The following SORCS3 variants were observed in gnomAD, a reference collection of about 807,000 sequenced individuals.
SORCS3 encodes sortilin related VPS10 domain containing receptor 3, also known as VPS10 domain-containing receptor SorCS3.
A neutral mutation model predicts 146.3 loss-of-function variants in SORCS3; 57 were observed. That is an observed-to-expected ratio of 0.39 (90% CI 0.31 to 0.49). The LOEUF (loss-of-function observed/expected upper bound fraction) is 0.49. SORCS3 is among the 20% of genes least tolerant of loss of function. The pLI is 0.92. For synonymous variants in SORCS3, 653 were observed against 618.5 expected (o/e 1.06, Z -0.83); for missense variants, 1,341 against 1,575.5 (o/e 0.85, Z 2.52).
intron 5 of SORCS3, among the ~76,000 whole-genome samples, chr10:105,056,532 C>G (rs558664577): frequency 1.3e-5 from 2 of 152,272 alleles, no homozygotes; most frequent in South Asian, 4.1e-4. Context: ...GGACATTCAT[C>G]TTTTGTGCAA....
At chr10:104,946,097 A>G (rs1433443269) in intron 3 of SORCS3, among the ~76,000 whole-genome samples, 2 of 152,012 alleles carry the variant, frequency 1.3e-5, no homozygotes, top group African/African-American at 4.8e-5. Context: ...ACTGTTGAGT[A>G]TCAAATGAGA....
intron 5 of SORCS3, among the ~76,000 whole-genome samples, chr10:105,060,643 A>G (rs2055479301): frequency 1.3e-5 from 2 of 152,310 alleles, no homozygotes; most frequent in South Asian, 2.1e-4. Context: ...TTTGCAATTT[A>G]AAAAAGTTAA....
At chr10:105,064,370 A>T (rs988182763) in intron 5 of SORCS3, among the ~76,000 whole-genome samples, 1 of 152,168 alleles carries the variant, frequency 6.6e-6, no homozygotes, top group African/African-American at 2.4e-5. Flanking sequence ...AGATAGATAC[A>T]AAGCTGGATG....
At chr10:105,198,625 A>G (rs2056557132) in intron 14 of SORCS3, among the ~76,000 whole-genome samples, 2 of 152,142 alleles carry the variant, frequency 1.3e-5, no homozygotes, top group African/African-American at 4.8e-5. Context: ...ACAAGAGAAC[A>G]GAGAGAACCC....
intron 13 of SORCS3, among the ~76,000 whole-genome samples, chr10:105,169,565 A>G (rs559581231): frequency 7.9e-4 from 120 of 152,242 alleles, no homozygotes; most frequent in African/African-American, 2.8e-3. Context: ...GAAGTCCAGA[A>G]TTCAAGTAAT....
At chr10:104,753,084 G>A (rs1447840543) in intron 1 of SORCS3, among the ~76,000 whole-genome samples, 3 of 152,222 alleles carry the variant, frequency 2.0e-5, no homozygotes, top group African/African-American at 7.2e-5. Flanking sequence ...GTAGGAGTAT[G>A]TTCACTCTAT....
At chr10:104,703,608 G>T (rs1441312731) in intron 1 of SORCS3, among the ~76,000 whole-genome samples, 3 of 151,896 alleles carry the variant, frequency 2.0e-5, no homozygotes, top group East Asian at 1.9e-4. Flanking sequence ...GGAGGGTGGG[G>T]GGTGAGGGGA....
intron 1 of SORCS3, among the ~76,000 whole-genome samples, chr10:104,648,100 G>T (rs540090991): frequency 6.6e-5 from 10 of 152,334 alleles, no homozygotes; most frequent in African/African-American, 2.4e-4. Flanking sequence ...CAGATGCCAT[G>T]GGGTGATATG....
intron 1 of SORCS3, among the ~76,000 whole-genome samples, chr10:104,648,623 T>G (rs2015523892): frequency 6.6e-6 from 1 of 152,152 alleles, no homozygotes. Context: ...TACTAACCAT[T>G]GTTAATGGGG....
intron 9 of SORCS3, among the ~76,000 whole-genome samples, chr10:105,156,345 G>A (rs927169725): frequency 1.3e-5 from 2 of 152,168 alleles, no homozygotes; most frequent in Non-Finnish European, 2.9e-5. Context: ...AGAATATAAG[G>A]AATAAAAGTT....
chr10:105,092,550 C>T (rs991013162), intron 6 of SORCS3, among the ~76,000 whole-genome samples: 3 of 151,570 alleles, frequency 2.0e-5, no homozygotes, highest in Admixed American at 1.3e-4. Flanking sequence ...TAACAAAATG[C>T]ATAATGCCTT....
intron 1 of SORCS3, among the ~76,000 whole-genome samples, chr10:104,696,413 T>A (rs866830258): frequency 0.014 from 40 of 2,954 alleles, 17 homozygotes; most frequent in South Asian, 0.057. Flanking sequence ...TAATATAGAA[T>A]ATATATAATA....
intron 9 of SORCS3, among the ~76,000 whole-genome samples, chr10:105,148,265 A>C (rs2056146041): frequency 6.6e-6 from 1 of 152,032 alleles, no homozygotes; most frequent in Admixed American, 6.6e-5. Flanking sequence ...TGGGAATGAG[A>C]GTTTTTCTAA....
intron 1 of SORCS3, among the ~76,000 whole-genome samples, chr10:104,806,314 A>G (rs1019857385): frequency 1.3e-5 from 2 of 152,184 alleles, no homozygotes; most frequent in Non-Finnish European, 2.9e-5. Context: ...GTTACAGGTG[A>G]CACAATAGGA....
chr10:105,246,861 T>A (rs1201963587), intron 21 of SORCS3, among the ~76,000 whole-genome samples: 1 of 152,206 alleles, frequency 6.6e-6, no homozygotes, highest in African/African-American at 2.4e-5. Context: ...AAGACTCCAT[T>A]CCAACCAAGT....
At chr10:104,839,733 T>C (rs544799194) in intron 1 of SORCS3, among the ~76,000 whole-genome samples, 1 of 152,312 alleles carries the variant, frequency 6.6e-6, no homozygotes, top group African/African-American at 2.4e-5. Context: ...GAAGGATATG[T>C]GAGTCTGGAT....
intron 3 of SORCS3, among the ~76,000 whole-genome samples, chr10:104,973,485 A>T (rs1055654100): frequency 2.0e-3 from 305 of 152,014 alleles, no homozygotes; most frequent in African/African-American, 7.1e-3. Context: ...ATTTCTGTAG[A>T]GGTGTTTGTA....
At chr10:104,657,281 C>T (rs184053415) in intron 1 of SORCS3, among the ~76,000 whole-genome samples, 125 of 152,314 alleles carry the variant, frequency 8.2e-4, no homozygotes, top group Non-Finnish European at 9.3e-4. Flanking sequence ...CAGCCAACCC[C>T]AAGCTGCCCT....
At position 104,641,820 on chromosome 10, in the gene SORCS3, C is replaced by T. The variant is rs749687977; in HGVS notation, c.493C>T (p.Arg165Trp). Reference protein sequence around the residue: ...RGSRPLAKGSREEVKAPRAGG... With the variant: ...RGSRPLAKGSWEEVKAPRAGG... ...AAGCCGTCCCCTTGCTAAGGGTTCC[C>T]GGGAGGAGGTGAAGGCGCCGCGGGC... The change falls in exon 1 of 27, where the codon CGG becomes TGG. Residue 165 changes from arginine (R) to tryptophan (W), a missense_variant. By Grantham distance (101) the Arg-to-Trp change is moderately radical (BLOSUM62 -3). Coordinates refer to ENST00000369701, the MANE Select transcript of SORCS3 (RefSeq NM_014978.3). This position sits in a 1 kb window ranked among gnomAD's most constrained non-coding sequence, Gnocchi z 6.4. The T allele has an allele frequency of 3.9e-6, 6 of 1,556,204 alleles. No homozygotes were observed. In the South Asian group the frequency reaches 7.1e-5, roughly 18 times the overall value.
Sources: gnomAD v4.1 joint callset for allele counts (sites outside exome capture counted in the v4.1 genomes callset) on GRCh38, gnomAD v4.1.1 for gene constraint, Gnocchi (gnomAD v3.1) non-coding constraint, MANE v1.5 for transcripts, NCBI Gene and HGNC (gene_info 2026-07-23, HGNC 2026-07-21) for gene names.